Variants in PBRM1 observed in about 807,000 individuals in gnomAD.
The protein encoded by PBRM1 is polybromo 1, also known as protein polybromo-1.
PBRM1 carries 27 observed loss-of-function variants against 194.5 expected under a neutral mutation model. That is an observed-to-expected ratio of 0.14 (90% CI 0.10 to 0.19). PBRM1 has a LOEUF of 0.19. Among genes scored for constraint, PBRM1 ranks in the 10% least tolerant of loss-of-function variants. PBRM1 has a pLI of 1.00. For missense variants in PBRM1, 1,466 were observed against 2,077.2 expected (o/e 0.71, Z 5.72); for synonymous variants, 655 against 693.2 (o/e 0.94, Z 0.87).
chr3:52,621,576 A>AT (rs1168699809), intron 13 of PBRM1, among the ~76,000 whole-genome samples: 1 of 152,110 alleles, frequency 6.6e-6, no homozygotes, highest in African/African-American at 2.4e-5. Context: ...ATTCTTCCCC[A>AT]TTTTTGGAAA....
intron 17 of PBRM1, among the ~76,000 whole-genome samples, chr3:52,590,381 G>A (rs988820356): frequency 5.9e-5 from 9 of 151,932 alleles, no homozygotes; most frequent in South Asian, 2.1e-4. Flanking sequence ...GCTTAAACCT[G>A]GGAGGTGAAT....
At chr3:52,566,345 T>C (rs1270353165) in intron 22 of PBRM1, among the ~76,000 whole-genome samples, 1 of 152,188 alleles carries the variant, frequency 6.6e-6, no homozygotes, top group Non-Finnish European at 1.5e-5. Flanking sequence ...TCTAGGTATA[T>C]ATCCAAAAGA....
intron 23 of PBRM1, 80 bp from the exon 26 acceptor site, chr3:52,563,573 A>G: frequency 1.0e-6 from 1 of 960,464 alleles, no homozygotes; most frequent in East Asian, 2.4e-5. Flanking sequence ...CCACCTTAAC[A>G]ACTAGAAGTG....
chr3:52,553,910 C>T (rs2081630191), intron 27 of PBRM1, among the ~76,000 whole-genome samples: 2 of 152,176 alleles, frequency 1.3e-5, no homozygotes, highest in African/African-American at 2.4e-5. Context: ...GATCCGCCCA[C>T]CTCGGCCTCC....
At chr3:52,579,354 G>A (rs552086967) in intron 20 of PBRM1, 155 bp from the exon 23 acceptor site, 28 of 661,422 alleles carry the variant, frequency 4.2e-5, no homozygotes, top group African/African-American at 9.1e-5. Flanking sequence ...GGGAGGCCAA[G>A]GCAGGACGAT....
In PBRM1 at chr3:52,586,704, G is replaced by A. The variant is rs751632910; in HGVS notation, c.3124-16C>T. 4 of 1,319,590 alleles carry A rather than the reference G, an allele frequency of 3.0e-6. No individual in the cohort carries two copies. Among genetic ancestry groups the A allele is most frequent in the Middle Eastern group, 2.0e-4 (1 of 4,942 alleles). 81.7% of individuals were successfully genotyped at this position (1,319,590 alleles called of 1,614,324 possible). On this transcript the variant is annotated splice_polypyrimidine_tract_variant and intron_variant, in intron 19 of 29. Coordinates refer to ENST00000296302, the Ensembl canonical transcript of PBRM1. ...TAAAGTATTCCTGGGGGGTGGGGAGGGCATAAGAATAAAACTAGTTAGGTG... is the reference window on the plus strand; with the variant it reads ...TAAAGTATTCCTGGGGGGTGGGGAGAGCATAAGAATAAAACTAGTTAGGTG...
At chr3:52,657,015 A>C (rs564186983) in intron 5 of PBRM1, among the ~76,000 whole-genome samples, 1 of 152,374 alleles carries the variant, frequency 6.6e-6, no homozygotes, top group South Asian at 2.1e-4. Flanking sequence ...ATATAGATGA[A>C]TCCTGAACAT....
rs966293559 is a variant in PBRM1, at chr3:52,554,669, G to C, written c.4609+55C>G. On this transcript the variant is annotated intron_variant, in intron 27 of 29. Transcript: ENST00000296302. The stretch of plus-strand genomic sequence containing the variant: ...CCTCCTGGAACAACTGGTTGAAAGC[G>C]GAAAAAGAGAATATGAAGATGAGAT... 12 of 1,444,188 alleles carry C rather than the reference G, an allele frequency of 8.3e-6. No individual in the cohort carries two copies. In the African/African-American group the frequency reaches 1.8e-4, roughly 21 times the overall value. The allele number at this position is 1,444,188 out of a possible 1,614,324, so 89.5% of individuals were successfully genotyped here.
At chr3:52,674,643 A>AAAAAATAT (rs1193129880) in intron 2 of PBRM1, among the ~76,000 whole-genome samples, 3 of 72,390 alleles carry the variant, frequency 4.1e-5, no homozygotes, top group African/African-American at 1.2e-4. Context: ...AAAAAAAAAA[A>AAAAAATAT]ATATATATAT....
chr3:52,647,457 AAT>A (rs199916798), intron 7 of PBRM1, among the ~76,000 whole-genome samples: 1,057 of 47,798 alleles, frequency 0.022, 17 homozygotes, highest in East Asian at 0.072. Flanking sequence ...AAAAAAAAAA[AAT>A]ATATATATAT....
intron 17 of PBRM1, among the ~76,000 whole-genome samples, chr3:52,600,554 T>G (rs552110795): frequency 4.3e-4 from 65 of 152,338 alleles, no homozygotes; most frequent in Non-Finnish European, 7.8e-4. Context: ...AAGTTCTCAT[T>G]CATATCCTGA....
At chr3:52,576,743 T>A (rs2089708402) in intron 21 of PBRM1, 45 bp from the exon 24 acceptor site, 2 of 1,448,916 alleles carry the variant, frequency 1.4e-6, no homozygotes, top group Non-Finnish European at 1.9e-6. Context: ...AGTTTCCTTC[T>A]TGAAGGATTA....
At chr3:52,587,258 G>T in intron 19 of PBRM1, 95 bp downstream of exon 21, 1 of 932,828 alleles carries the variant, frequency 1.1e-6, no homozygotes, top group South Asian at 1.4e-5. Context: ...GCTTAAAACA[G>T]AGTTCCTAAT....
intron 22 of PBRM1, among the ~76,000 whole-genome samples, chr3:52,566,481 A>G (rs1424405319): frequency 6.6e-6 from 1 of 152,230 alleles, no homozygotes; most frequent in Non-Finnish European, 1.5e-5. Context: ...ATACAGCCTT[A>G]GGAATAAAAT....
chr3:52,617,234 C>T, intron 14 of PBRM1, 28 bp downstream of exon 16: 1 of 1,596,512 alleles, frequency 6.3e-7, no homozygotes. Flanking sequence ...CAAAATGTGC[C>T]TACTTCAGGA....
chr3:52,644,263 C>T (rs1031146669), intron 8 of PBRM1, among the ~76,000 whole-genome samples: 12 of 152,064 alleles, frequency 7.9e-5, no homozygotes, highest in African/African-American at 2.9e-4. Context: ...AGAGTTACTA[C>T]TATCTTCAGA....
intron 22 of PBRM1, 137 bp downstream of exon 24, chr3:52,576,404 G>A (rs1207427152): frequency 3.8e-6 from 2 of 528,196 alleles, no homozygotes; most frequent in Admixed American, 3.8e-5. Context: ...CCCAATCTCT[G>A]CCCCAACATA....
At chr3:52,658,228 C>T (rs1359676390) in exon 5 of PBRM1, 4 of 1,608,026 alleles carry the variant, frequency 2.5e-6, no homozygotes, top group Admixed American at 1.7e-5. Context: ...TGAAAAAGTT[C>T]GCTAATGAGA....
Position 52,645,365 on chromosome 3 carries a change from G to A in PBRM1, c.814-576C>T, listed in dbSNP as rs528578939. On this transcript the variant is annotated intron_variant, in intron 7 of 29. Transcript: ENST00000296302. ...TTTGGTGGAGACAGAGTCTTACCAT[G>A]TAGACCGGGCTGGTCTCAAACCCCT... Among the ~76,000 whole-genome samples, 5 of 145,280 alleles carry A rather than the reference G, an allele frequency of 3.4e-5. No homozygotes were observed. In the South Asian group the frequency reaches 8.8e-4, roughly 25 times the overall value.
Sources: allele counts gnomAD v4.1 joint callset (sites outside exome capture counted in the v4.1 genomes callset), GRCh38; gene constraint gnomAD v4.1.1; transcripts MANE v1.5; gene names NCBI Gene and HGNC (gene_info 2026-07-23, HGNC 2026-07-21).